The following DAB1 variants were observed in gnomAD, a reference collection of about 807,000 sequenced individuals.
DAB1 encodes the protein disabled homolog 1.
DAB1 carries 15 observed loss-of-function variants against 64.6 expected under a neutral mutation model. The ratio of observed to expected loss-of-function variants is 0.23; its 90% CI spans 0.16 to 0.36. The LOEUF (loss-of-function observed/expected upper bound fraction) is 0.36, where lower values mean the gene tolerates loss of function less well. Among genes scored for constraint, DAB1 ranks in the 10% least tolerant of loss-of-function variants. DAB1 has a pLI of 1.00. For missense variants in DAB1, 596 were observed against 706.7 expected, an observed-to-expected ratio of 0.84 and a Z score of 1.78; for synonymous variants, 235 against 251.9, an observed-to-expected ratio of 0.93 and a Z score of 0.64.
At chr1:57,304,035 T>C (rs1365195301) in intron 1 of DAB1, among the ~76,000 whole-genome samples, 1 of 152,220 alleles carries the variant, frequency 6.6e-6, no homozygotes, top group Non-Finnish European at 1.5e-5. Flanking sequence ...CTGTTTGTAT[T>C]AGTCCATTCT....
chr1:58,210,321 T>C (rs1406777524), intron 4 of DAB1, among the ~76,000 whole-genome samples: 4 of 152,172 alleles, frequency 2.6e-5, no homozygotes, highest in Non-Finnish European at 5.9e-5. Flanking sequence ...GGAATTGGTA[T>C]AGCATGTTCA....
chr1:58,442,888 A>C (rs1302291183), intron 3 of DAB1, among the ~76,000 whole-genome samples: 1 of 152,210 alleles, frequency 6.6e-6, no homozygotes, highest in Non-Finnish European at 1.5e-5. Flanking sequence ...CTGTCTCAGA[A>C]ATAAATAAAA....
chr1:58,145,930 A>G (rs1483089375), intron 5 of DAB1, among the ~76,000 whole-genome samples: 2 of 152,106 alleles, frequency 1.3e-5, no homozygotes, highest in Admixed American at 1.3e-4. Flanking sequence ...AGCAAGACTA[A>G]CCCCTCCTCC....
chr1:58,251,908 T>C (rs1053212943), intron 4 of DAB1, among the ~76,000 whole-genome samples: 4 of 152,078 alleles, frequency 2.6e-5, no homozygotes, highest in Non-Finnish European at 5.9e-5. Context: ...AAAGTCCCTT[T>C]CAAGTTCCCT....
chr1:57,662,148 G>A (rs1364947594), intron 6 of DAB1, among the ~76,000 whole-genome samples: 1 of 152,056 alleles, frequency 6.6e-6, no homozygotes, highest in Non-Finnish European at 1.5e-5. Flanking sequence ...AGCTCTATTA[G>A]CTACAAAAGC....
At chr1:57,838,961 T>G (rs554863451) in intron 1 of DAB1, among the ~76,000 whole-genome samples, 1 of 152,032 alleles carries the variant, frequency 6.6e-6, no homozygotes, top group East Asian at 1.9e-4. Context: ...ATTTATTTAT[T>G]GTAAAGATGG....
chr1:57,905,307 G>A (rs977054565), intron 5 of DAB1, among the ~76,000 whole-genome samples: 1 of 151,920 alleles, frequency 6.6e-6, no homozygotes, highest in African/African-American at 2.4e-5. Flanking sequence ...GAGGGCGTTG[G>A]TGCAAGGAAA....
At chr1:57,440,498 G>A (rs1443666124) in intron 7 of DAB1, among the ~76,000 whole-genome samples, 1 of 152,142 alleles carries the variant, frequency 6.6e-6, no homozygotes, top group African/African-American at 2.4e-5. Flanking sequence ...AGAAAGACAG[G>A]TAAGTGGTGA....
intron 2 of DAB1, among the ~76,000 whole-genome samples, chr1:57,171,148 G>A (rs1661716206): frequency 6.6e-6 from 1 of 152,156 alleles, no homozygotes; most frequent in Non-Finnish European, 1.5e-5. Context: ...AGCAATACTG[G>A]TGCTATTGTC....
At chr1:57,592,201 A>C (rs1645453411) in intron 7 of DAB1, among the ~76,000 whole-genome samples, 1 of 152,170 alleles carries the variant, frequency 6.6e-6, no homozygotes, top group African/African-American at 2.4e-5. Context: ...GAGGAGAAAG[A>C]GCACTCATTT....
At chr1:58,068,693 G>A (rs1205427614) in intron 5 of DAB1, among the ~76,000 whole-genome samples, 1 of 150,478 alleles carries the variant, frequency 6.6e-6, no homozygotes, top group Non-Finnish European at 1.5e-5. Context: ...GTGAATCTGG[G>A]AGGCAGAGCT....
intron 4 of DAB1, among the ~76,000 whole-genome samples, chr1:58,186,177 G>C (rs1258348185): frequency 6.6e-6 from 1 of 152,092 alleles, no homozygotes. Flanking sequence ...GAGCAGTGGG[G>C]GTCGAGTTCA....
intron 5 of DAB1, among the ~76,000 whole-genome samples, chr1:57,918,974 GC>G (rs1202898439): frequency 6.7e-6 from 1 of 150,248 alleles, no homozygotes; most frequent in Non-Finnish European, 1.5e-5. Context: ...CCAAATCATA[GC>G]ATTTACCAAA....
chr1:57,388,482 C>A (rs551837139), intron 1 of DAB1, among the ~76,000 whole-genome samples: 1 of 152,214 alleles, frequency 6.6e-6, no homozygotes, highest in African/African-American at 2.4e-5. Context: ...ATCTTCGAGG[C>A]TCCTCTGTAC....
intron 6 of DAB1, among the ~76,000 whole-genome samples, chr1:57,696,995 C>T (rs886373754): frequency 1.3e-5 from 2 of 152,246 alleles, no homozygotes; most frequent in South Asian, 4.2e-4. Flanking sequence ...TTGAAGCTCC[C>T]ATCCAAAAGT....
intron 2 of DAB1, among the ~76,000 whole-genome samples, chr1:57,159,945 T>A (rs1660594207): frequency 6.6e-6 from 1 of 151,684 alleles, no homozygotes. Flanking sequence ...CTTTCTGACG[T>A]CCTCCCATGA....
In DAB1 at chr1:57,965,135, C is replaced by T. The variant is rs186864184; in HGVS notation, n.388-80973G>A. ...ACAGCGTGAGTAGCTGGTAGGAATA[C>T]AGAATCTATAGAGAGACAGAGTAGG... On this transcript the variant is annotated intron_variant and non_coding_transcript_variant, in intron 5 of 20. Coordinates refer to the DAB1 transcript ENST00000485760. Among the ~76,000 whole-genome samples the T allele has an allele frequency of 1.8e-4, 27 of 151,094 alleles. No individual in the cohort carries two copies. The East Asian group carries it at 5.2e-3, about 29-fold the overall frequency.
At chr1:57,421,908 G>GC (rs1684928062) in intron 1 of DAB1, among the ~76,000 whole-genome samples, 2 of 117,148 alleles carry the variant, frequency 1.7e-5, no homozygotes, top group Non-Finnish European at 3.7e-5. Flanking sequence ...GTGGCGGGGG[G>GC]GGGGGTGGCG....
intron 3 of DAB1, among the ~76,000 whole-genome samples, chr1:58,496,967 C>T (rs1645813146): frequency 1.3e-5 from 2 of 152,160 alleles, no homozygotes; most frequent in Admixed American, 6.5e-5. Context: ...AACAAAGAAC[C>T]AGGCCATCAC....
Sources: allele counts gnomAD v4.1 joint callset (sites outside exome capture counted in the v4.1 genomes callset), GRCh38; gene constraint gnomAD v4.1.1; transcripts MANE v1.5; gene names NCBI Gene and HGNC (gene_info 2026-07-23, HGNC 2026-07-21).